SPAST: variants seen among roughly 807,000 people sequenced by gnomAD.
The protein encoded by SPAST is spastin, also known as spastic paraplegia 4 (autosomal dominant; spastin).
A neutral mutation model predicts 76.6 loss-of-function variants in SPAST; 30 were observed. The ratio of observed to expected loss-of-function variants is 0.39; its 90% CI spans 0.29 to 0.53. The LOEUF (loss-of-function observed/expected upper bound fraction) is 0.53, where lower values mean the gene tolerates loss of function less well. Among genes scored for constraint, SPAST ranks in the 20% least tolerant of loss-of-function variants. The probability of loss-of-function intolerance (pLI) is 0.68; values close to 1 mark genes in which losing one functional copy is unlikely to be tolerated. For missense variants in SPAST, 717 were observed against 770.5 expected, an observed-to-expected ratio of 0.93 and a Z score of 0.82; for synonymous variants, 305 against 281.0, an observed-to-expected ratio of 1.09 and a Z score of -0.86.
intron 1 of SPAST, among the ~76,000 whole-genome samples, chr2:32,070,087 A>G (rs1327698924): frequency 1.4e-5 from 2 of 147,242 alleles, no homozygotes; most frequent in Non-Finnish European, 1.5e-5. Flanking sequence ...TTTTTTTGTA[A>G]TGGAGTCTTG....
intron 15 of SPAST, 67 bp downstream of exon 15, chr2:32,145,074 CA>C: frequency 1.6e-5 from 19 of 1,191,928 alleles, no homozygotes; most frequent in African/African-American, 3.1e-5. Flanking sequence ...TTAAGAAGTC[CA>C]AAAAAATCTA....
In SPAST at chr2:32,155,190, A is replaced by C. The variant is rs1043625013; in HGVS notation, c.*694A>C. 1 of 152,812 alleles carries C rather than the reference A, an allele frequency of 6.5e-6. No individual in the cohort carries two copies. Among genetic ancestry groups the C allele is most frequent in the Non-Finnish European group, 1.5e-5 (1 of 68,176 alleles). The allele number at this position is 152,812 out of a possible 1,614,324, so 9.5% of individuals were successfully genotyped here. On this transcript the variant is annotated 3_prime_UTR_variant, in exon 17 of 17. Transcript: ENST00000315285. ...ATAGCAAAAAAGCAAATATGGTAAA[A>C]TAGAGAAGGTTTGAAGGTTTGAGTT...
At chr2:32,151,790 A>C (rs1429618154) in intron 16 of SPAST, among the ~76,000 whole-genome samples, 1 of 151,964 alleles carries the variant, frequency 6.6e-6, no homozygotes, top group Non-Finnish European at 1.5e-5. Context: ...CATGCCTGTA[A>C]TCCCAGCTGC....
At position 32,104,590 on chromosome 2, in the gene SPAST, C is replaced by T. The variant is rs192395735; in HGVS notation, c.682+5699C>T. Among the ~76,000 whole-genome samples, 577 of 152,202 alleles carry T rather than the reference C, an allele frequency of 3.8e-3. 5 individuals carry two copies. The highest frequency in any genetic ancestry group is 0.014 in the African/African-American group (561 of 41,530). On this transcript the variant is annotated intron_variant, in intron 4 of 16. Coordinates refer to ENST00000315285, the MANE Select transcript of SPAST (RefSeq NM_014946.4). ...GGCATGTTTTTGCAGTGGCTTGTAC[C>T]GGTTGTTCATTTCCATGTTCAGTGC...
At chr2:32,083,769 TA>T (rs1465498864) in intron 1 of SPAST, among the ~76,000 whole-genome samples, 2,860 of 96,058 alleles carry the variant, frequency 0.03, 202 homozygotes, top group Non-Finnish European at 0.047. Context: ...TATATATATA[TA>T]TATATATTTT....
At chr2:32,081,041 C>T (rs1301035461) in intron 1 of SPAST, among the ~76,000 whole-genome samples, 2 of 152,054 alleles carry the variant, frequency 1.3e-5, no homozygotes, top group Admixed American at 1.3e-4. Context: ...TCACCGCAGC[C>T]TCCGCCTCCT....
chr2:32,136,343 A>T (rs1679535920), intron 9 of SPAST, among the ~76,000 whole-genome samples: 1 of 152,154 alleles, frequency 6.6e-6, no homozygotes, highest in Non-Finnish European at 1.5e-5. Context: ...AGCAAAACAG[A>T]TGAATTTTTA....
chr2:32,137,888 C>T (rs1354357944), intron 12 of SPAST, among the ~76,000 whole-genome samples: 2 of 152,076 alleles, frequency 1.3e-5, no homozygotes, highest in Admixed American at 1.3e-4. Flanking sequence ...TTTTAGCTCC[C>T]CACTTATGAG....
chr2:32,087,844 C>T (rs1351722771), intron 2 of SPAST, among the ~76,000 whole-genome samples: 3 of 145,576 alleles, frequency 2.1e-5, no homozygotes, highest in African/African-American at 7.6e-5. Flanking sequence ...CACAGGCGCA[C>T]ACTACCATAC....
chr2:32,064,339 G>C (rs775971081), intron 1 of SPAST, 93 bp downstream of exon 1: 42 of 1,241,720 alleles, frequency 3.4e-5, no homozygotes, highest in African/African-American at 4.5e-5. Context: ...TTTTCTGCGG[G>C]AGGGGACGGT....
chr2:32,088,834 C>A (rs961996217), intron 2 of SPAST, among the ~76,000 whole-genome samples: 2 of 152,116 alleles, frequency 1.3e-5, no homozygotes, highest in Non-Finnish European at 2.9e-5. Context: ...ATATTAATAT[C>A]TGTGACCAAA....
intron 4 of SPAST, among the ~76,000 whole-genome samples, chr2:32,108,098 A>C (rs1404868215): frequency 6.6e-6 from 1 of 152,196 alleles, no homozygotes; most frequent in Non-Finnish European, 1.5e-5. Context: ...TATTGGATTT[A>C]GCAGACAAAG....
At chr2:32,088,291 C>T (rs1677573766) in intron 2 of SPAST, among the ~76,000 whole-genome samples, 1 of 152,186 alleles carries the variant, frequency 6.6e-6, no homozygotes, top group Non-Finnish European at 1.5e-5. Context: ...CCTCAGCTTT[C>T]CAAAGTTGTG....
Position 32,063,717 on chromosome 2 carries a change from C to A in SPAST, c.-115C>A, listed in dbSNP as rs1558605040. Reference sequence around the variant, plus strand: ...GTGCGGCAGTGCGGAGCTCCTGAGACCGGCGGGCACACGGGGGTCTGTGGC... The same window carrying A: ...GTGCGGCAGTGCGGAGCTCCTGAGAACGGCGGGCACACGGGGGTCTGTGGC... On this transcript the variant is annotated 5_prime_UTR_variant, in exon 1 of 17. Transcript: ENST00000315285. 4.3e-6 allele frequency: 6 copies of A among 1,407,424 alleles called. No individual in the cohort carries two copies. Among genetic ancestry groups the A allele is most frequent in the Non-Finnish European group, 5.7e-6 (6 of 1,051,646 alleles). 87.2% of individuals were successfully genotyped at this position (1,407,424 alleles called of 1,614,324 possible).
In SPAST at chr2:32,116,149, T is replaced by C; in HGVS notation, c.1035T>C (p.Ala345=). 6.2e-7 allele frequency: 1 copy of C among 1,613,540 alleles called. No individual in the cohort carries two copies. The highest frequency in any genetic ancestry group is 8.5e-7 in the Non-Finnish European group (1 of 1,179,612). The change falls in exon 7 of 17, where the codon GCT becomes GCC. Residue 345 remains alanine, a synonymous_variant. Coordinates refer to ENST00000315285, the MANE Select transcript of SPAST (RefSeq NM_014946.4). ...CAGCTGTTAAATTTGATGATATAGC[T>C]GGTCAAGACTTGGCAAAACAAGCAT... is the stretch of plus-strand genomic sequence containing the variant. The part of the protein sequence containing the change: ...NGTAVKFDDI[A]GQDLAKQALQ...
At chr2:32,140,616 CA>C (rs370227533) in intron 12 of SPAST, among the ~76,000 whole-genome samples, 37 of 134,320 alleles carry the variant, frequency 2.8e-4, no homozygotes, top group Admixed American at 3.9e-4. Context: ...GGCTCTGTCT[CA>C]AAAAAAAAAA....
chr2:32,147,345 GTT>G (rs71407417), intron 16 of SPAST, 87 bp downstream of exon 16: 9,930 of 159,888 alleles, frequency 0.062, no homozygotes, highest in Middle Eastern at 0.097. Context: ...TGTGTGTGTG[GTT>G]TTTTTTTTTT....
intron 7 of SPAST, 88 bp from the exon 8 acceptor site, chr2:32,126,860 T>G: frequency 1.2e-6 from 1 of 812,420 alleles, no homozygotes. Flanking sequence ...GGGAAGATGC[T>G]ACTGAAAAAA....
chr2:32,098,161 G>A (rs1677991748), intron 3 of SPAST, among the ~76,000 whole-genome samples: 1 of 151,918 alleles, frequency 6.6e-6, no homozygotes, highest in Non-Finnish European at 1.5e-5. Context: ...GGTAGAAATT[G>A]ATTCATTTTT....
Sources: gnomAD v4.1 joint callset for allele counts (sites outside exome capture counted in the v4.1 genomes callset) on GRCh38, gnomAD v4.1.1 for gene constraint, MANE v1.5 for transcripts, NCBI Gene and HGNC (gene_info 2026-07-23, HGNC 2026-07-21) for gene names.